CYREN: variants seen among roughly 807,000 people sequenced by gnomAD.
CYREN encodes cell cycle regulator of NHEJ.
CYREN carries 7 observed loss-of-function variants against 9.7 expected under a neutral mutation model. That is an observed-to-expected ratio of 0.72 (90% CI 0.41 to 1.36). The LOEUF is 1.36. Among genes scored for constraint, CYREN ranks in the 40% most tolerant of loss-of-function variants. The pLI is 0.01. For synonymous variants in CYREN, 76 were observed against 77.9 expected (o/e 0.98, Z 0.13); for missense variants, 215 against 198.1 (o/e 1.09, Z -0.51).
At chr7:135,097,280 C>T (rs1250552571) in intron 2 of CYREN, among the ~76,000 whole-genome samples, 1 of 152,098 alleles carries the variant, frequency 6.6e-6, no homozygotes, top group Non-Finnish European at 1.5e-5. Flanking sequence ...TCAGATCTTA[C>T]CAACAATAAT....
chr7:135,166,407 C>T lies in CYREN; in HGVS notation c.*204G>A, dbSNP rs1316481858. 2 of 667,320 alleles carry T rather than the reference C, an allele frequency of 3.0e-6. No individual in the cohort carries two copies. Among genetic ancestry groups the T allele is most frequent in the African/African-American group, 1.8e-5 (1 of 55,402 alleles). The allele number at this position is 667,320 out of a possible 1,614,324, so 41.3% of individuals were successfully genotyped here. A position where few individuals can be genotyped will look rare whatever the true frequency, so the allele number is the denominator to read the frequency against. On this transcript the variant is annotated 3_prime_UTR_variant, in exon 4 of 4. Coordinates refer to ENST00000393114, the MANE Select transcript of CYREN (RefSeq NM_024033.4). ...AAATGGGATCTCATTTTGAGTCCTG[C>T]CTTCCGCACACTCAGAACGGCAGCC...
At chr7:135,094,253 A>G in exon 3 of CYREN, 1 of 389,902 alleles carries the variant, frequency 2.6e-6, no homozygotes, top group South Asian at 1.9e-5. Context: ...ACAACAAAAA[A>G]GCTGAACAAA....
chr7:135,168,753 T>A, intron 2 of CYREN, 33 bp downstream of exon 2: 1 of 1,606,128 alleles, frequency 6.2e-7, no homozygotes, highest in East Asian at 2.2e-5. Context: ...ACTTGCCAGA[T>A]TCGCAGGAGT....
chr7:135,166,791 C>T lies in CYREN; in HGVS notation c.294G>A (p.Val98=), dbSNP rs1403439150. ...TGCTCCCAGAACTTGTGTGAGGCGA[C>T]ACGGAGCAGGGAGGGGAGTGCTCTG... is the stretch of plus-strand genomic sequence containing the variant. ...DNPEHSPPCS[V]SPHTSSGSSS... Residue 98 remains valine, a synonymous_variant, in exon 4 of 4, where the codon GTG becomes GTA. Transcript: ENST00000393114. The T allele has an allele frequency of 6.2e-7, 1 of 1,614,076 alleles. No homozygotes were observed. Among genetic ancestry groups the T allele is most frequent in the Non-Finnish European group, 8.5e-7 (1 of 1,180,052 alleles).
chr7:135,122,415 G>T (rs1043089552), intron 2 of CYREN, among the ~76,000 whole-genome samples: 1 of 152,174 alleles, frequency 6.6e-6, no homozygotes, highest in African/African-American at 2.4e-5. Context: ...AGCGGGAGGG[G>T]TGACCACAGT....
chr7:135,099,525 G>C (rs1171350481), intron 2 of CYREN, among the ~76,000 whole-genome samples: 1 of 152,012 alleles, frequency 6.6e-6, no homozygotes, highest in Admixed American at 6.6e-5. Context: ...CTCTTTTTTA[G>C]TGAAAATACC....
At chr7:135,096,558 A>AGATAGATAGAT (rs1822770203) in intron 2 of CYREN, among the ~76,000 whole-genome samples, 57 of 79,776 alleles carry the variant, frequency 7.1e-4, no homozygotes, top group African/African-American at 1.8e-3. Context: ...GAAAGAAAGA[A>AGATAGATAGAT]AGATAGATAG....
At chr7:135,145,360 C>T (rs1225681585) in intron 2 of CYREN, among the ~76,000 whole-genome samples, 1 of 152,104 alleles carries the variant, frequency 6.6e-6, no homozygotes, top group Non-Finnish European at 1.5e-5. Context: ...TCTCCCAGAA[C>T]TGAATAAATG....
exon 3 of CYREN, chr7:135,094,470 A>C (rs1480757157): frequency 1.1e-5 from 5 of 456,586 alleles, no homozygotes; most frequent in African/African-American, 1.0e-4. Flanking sequence ...CACTAGCTTG[A>C]AAGTGAGAAA....
intron 2 of CYREN, among the ~76,000 whole-genome samples, chr7:135,144,790 A>G (rs1340694158): frequency 6.6e-6 from 1 of 151,022 alleles, no homozygotes; most frequent in African/African-American, 2.4e-5. Flanking sequence ...AAAATTAGCC[A>G]GGCATAGTGG....
At chr7:135,131,459 T>A (rs369917008) in intron 2 of CYREN, among the ~76,000 whole-genome samples, 2 of 149,884 alleles carry the variant, frequency 1.3e-5, no homozygotes, top group Admixed American at 6.6e-5. Context: ...AAACAAAAAT[T>A]AAAAAAAAAA....
intron 2 of CYREN, among the ~76,000 whole-genome samples, chr7:135,113,741 T>C (rs909796385): frequency 3.3e-5 from 5 of 152,302 alleles, no homozygotes; most frequent in Admixed American, 6.5e-5. Context: ...TACAGTCGCA[T>C]TGTGGTGCAA....
chr7:135,095,207 C>T (rs10272043), intron 2 of CYREN, among the ~76,000 whole-genome samples: 73,697 of 151,920 alleles, frequency 0.49, 18,240 homozygotes, highest in South Asian at 0.66. Flanking sequence ...AGCTAAGAAA[C>T]ACTTATTAAG....
At chr7:135,111,459 T>C (rs1453726255) in intron 2 of CYREN, among the ~76,000 whole-genome samples, 1 of 152,230 alleles carries the variant, frequency 6.6e-6, no homozygotes, top group African/African-American at 2.4e-5. Context: ...TTTCCCTTGA[T>C]TCATTGAGCT....
At chr7:135,101,282 T>G (rs1348415054) in intron 2 of CYREN, 1 of 455,622 alleles carries the variant, frequency 2.2e-6, no homozygotes, top group Non-Finnish European at 4.4e-6. Context: ...CAGAAGGTTG[T>G]TACTTGTTTT....
intron 2 of CYREN, chr7:135,115,464 A>C: frequency 2.6e-6 from 4 of 1,551,396 alleles, no homozygotes; most frequent in Non-Finnish European, 3.5e-6. Context: ...ACAGATGATG[A>C]AAAAAGAAGC....
chr7:135,164,755 A>G (rs543835844), downstream of CYREN: 37 of 1,614,194 alleles, frequency 2.3e-5, no homozygotes, highest in South Asian at 3.6e-4. Context: ...CTCCTAGCCC[A>G]GTGCAACAGT....
intron 2 of CYREN, among the ~76,000 whole-genome samples, chr7:135,120,440 C>A (rs1447520521): frequency 6.6e-6 from 1 of 152,024 alleles, no homozygotes; most frequent in African/African-American, 2.4e-5. Flanking sequence ...ACAGCAACCA[C>A]TGAAAAAGCT....
intron 2 of CYREN, among the ~76,000 whole-genome samples, chr7:135,121,890 A>C (rs1262148963): frequency 6.6e-6 from 1 of 152,202 alleles, no homozygotes; most frequent in African/African-American, 2.4e-5. Flanking sequence ...TTTTCCACAG[A>C]ACTGTGAAAC....
Sources: allele counts gnomAD v4.1 joint callset (sites outside exome capture counted in the v4.1 genomes callset), GRCh38; gene constraint gnomAD v4.1.1; transcripts MANE v1.5; gene names NCBI Gene and HGNC (gene_info 2026-07-23, HGNC 2026-07-21).